Variants in SH3GL3 observed in about 807,000 individuals in gnomAD.
SH3GL3 encodes SH3 domain containing GRB2 like 3, endophilin A3, also known as endophilin-A3.
In SH3GL3, 33 loss-of-function variants were observed where a neutral mutation model predicts 47.7. That is an observed-to-expected ratio of 0.69 (90% CI 0.52 to 0.92). The LOEUF is 0.92. SH3GL3 is among the 40% of genes least tolerant of loss of function. The pLI is 0.00. For synonymous variants in SH3GL3, 155 were observed against 148.8 expected (o/e 1.04, Z -0.30); for missense variants, 363 against 417.8 (o/e 0.87, Z 1.14).
chr15:83,590,423 T>C (rs912681169), intron 8 of SH3GL3, among the ~76,000 whole-genome samples: 2 of 152,254 alleles, frequency 1.3e-5, no homozygotes, highest in Admixed American at 1.3e-4. Flanking sequence ...TCTACTACTT[T>C]GAATAATCTT....
intron 1 of SH3GL3, among the ~76,000 whole-genome samples, chr15:83,555,706 G>T (rs1042712418): frequency 1.3e-5 from 2 of 152,088 alleles, no homozygotes; most frequent in African/African-American, 4.8e-5. Context: ...AGCCTCATTT[G>T]CTTTTCCATC....
At chr15:83,622,162 G>A (rs115569554), downstream of SH3GL3, among the ~76,000 whole-genome samples, 1,175 of 152,240 alleles carry the variant, frequency 7.7e-3, 16 homozygotes, top group African/African-American at 0.026. Flanking sequence ...CCTTATGCCC[G>A]TTTTTCAGAT....
intron 6 of SH3GL3, among the ~76,000 whole-genome samples, chr15:83,579,366 CA>C (rs1331866693): frequency 6.6e-6 from 1 of 152,200 alleles, no homozygotes; most frequent in South Asian, 2.1e-4. Flanking sequence ...GCTGCTCCCT[CA>C]GCCTGGATCC....
chr15:83,490,265 GTT>G (rs1196742768), intron 1 of SH3GL3, among the ~76,000 whole-genome samples: 1 of 133,078 alleles, frequency 7.5e-6, no homozygotes, highest in African/African-American at 3.0e-5. Context: ...GTGATTTTGC[GTT>G]TTTTTTTTTT....
intron 1 of SH3GL3, among the ~76,000 whole-genome samples, chr15:83,464,273 C>T (rs549892580): frequency 6.6e-6 from 1 of 152,294 alleles, no homozygotes; most frequent in African/African-American, 2.4e-5. Context: ...TCTGGAATCA[C>T]TAGCTGTTCC....
At chr15:83,483,592 T>C (rs781467788) in intron 1 of SH3GL3, among the ~76,000 whole-genome samples, 8 of 152,204 alleles carry the variant, frequency 5.3e-5, no homozygotes, top group Admixed American at 1.3e-4. Flanking sequence ...AGACACTCAA[T>C]ATTCATAGAA....
At chr15:83,606,281 A>G (rs1596341687) in intron 8 of SH3GL3, among the ~76,000 whole-genome samples, 2 of 152,194 alleles carry the variant, frequency 1.3e-5, no homozygotes, top group East Asian at 3.8e-4. Flanking sequence ...ACTTTTATAA[A>G]TTTCTTCACA....
rs1327885855 is a variant in SH3GL3, at chr15:83,463,763, C to CT, written c.45+16188dup. ...TTGTTGTCCCATGTCTGCTTTCTTT[C>CT]TTTCTTTTTTTTTTTTTTTTTTTGA... On this transcript the variant is annotated intron_variant, in intron 1 of 8. Coordinates refer to ENST00000427482, the MANE Select transcript of SH3GL3 (RefSeq NM_003027.5). Among the ~76,000 whole-genome samples the CT allele has an allele frequency of 4.9e-3, 610 of 125,244 alleles. 6 individuals are homozygous for CT. The highest frequency in any genetic ancestry group is 0.018 in the African/African-American group (577 of 31,204). 82.2% of individuals were successfully genotyped at this position (125,244 alleles called of 152,430 possible).
intron 1 of SH3GL3, among the ~76,000 whole-genome samples, chr15:83,468,720 T>C (rs145361236): frequency 1.8e-4 from 28 of 152,238 alleles, no homozygotes; most frequent in African/African-American, 5.3e-4. Context: ...TTTTTAAAGA[T>C]ACTGATCAAT....
chr15:83,511,450 G>T (rs529686378), intron 1 of SH3GL3, among the ~76,000 whole-genome samples: 1 of 152,120 alleles, frequency 6.6e-6, no homozygotes, highest in Non-Finnish European at 1.5e-5. Context: ...CTGAATTTAC[G>T]TGACGTCAGA....
chr15:83,505,680 C>G (rs2042472365), intron 1 of SH3GL3, among the ~76,000 whole-genome samples: 1 of 152,038 alleles, frequency 6.6e-6, no homozygotes, highest in African/African-American at 2.4e-5. Flanking sequence ...GTGTGTGCCA[C>G]CACACTCAGC....
intron 1 of SH3GL3, among the ~76,000 whole-genome samples, chr15:83,464,694 C>G (rs928383370): frequency 6.6e-6 from 1 of 152,126 alleles, no homozygotes; most frequent in African/African-American, 2.4e-5. Flanking sequence ...CATCAGCAAG[C>G]CTTTCCTCTT....
intron 1 of SH3GL3, among the ~76,000 whole-genome samples, chr15:83,528,541 AT>A (rs2043524650): frequency 1.3e-5 from 2 of 152,020 alleles, no homozygotes; most frequent in Non-Finnish European, 1.5e-5. Flanking sequence ...ATTTCAAAAC[AT>A]TTGTCTTTAA....
At chr15:83,475,785 C>A (rs144466831) in intron 1 of SH3GL3, among the ~76,000 whole-genome samples, 20 of 152,298 alleles carry the variant, frequency 1.3e-4, no homozygotes, top group Middle Eastern at 6.8e-3. Flanking sequence ...TCTGTAGACT[C>A]CTGGTTGCTG....
At chr15:83,554,368 G>T (rs993339291) in intron 1 of SH3GL3, among the ~76,000 whole-genome samples, 2 of 152,010 alleles carry the variant, frequency 1.3e-5, no homozygotes, top group African/African-American at 2.4e-5. Flanking sequence ...TGTGTTTTTA[G>T]TAGAGACGGG....
intron 8 of SH3GL3, among the ~76,000 whole-genome samples, chr15:83,596,559 C>T (rs1208092488): frequency 1.3e-5 from 2 of 152,160 alleles, no homozygotes; most frequent in South Asian, 2.1e-4. Context: ...CATTCCCTTC[C>T]GTATTCCTCA....
intron 1 of SH3GL3, among the ~76,000 whole-genome samples, chr15:83,469,245 T>C (rs2040721615): frequency 6.6e-6 from 1 of 152,162 alleles, no homozygotes; most frequent in Non-Finnish European, 1.5e-5. Context: ...TAAAGGTTTG[T>C]CAGTTTTATT....
intron 1 of SH3GL3, among the ~76,000 whole-genome samples, chr15:83,462,363 A>G (rs1377861705): frequency 2.0e-5 from 3 of 152,258 alleles, no homozygotes; most frequent in African/African-American, 7.2e-5. Context: ...ATCAGTAACA[A>G]TTATGAGTAA....
intron 8 of SH3GL3, among the ~76,000 whole-genome samples, chr15:83,605,222 G>A (rs572935197): frequency 1.3e-5 from 2 of 152,270 alleles, no homozygotes; most frequent in African/African-American, 4.8e-5. Flanking sequence ...GCCTGTCCCA[G>A]GCTGCTTCTT....
Sources: allele counts gnomAD v4.1 joint callset (sites outside exome capture counted in the v4.1 genomes callset), GRCh38; gene constraint gnomAD v4.1.1; transcripts MANE v1.5; gene names NCBI Gene and HGNC (gene_info 2026-07-23, HGNC 2026-07-21).